The following EML5 variants were observed in gnomAD, a reference collection of about 807,000 sequenced individuals.
EML5 encodes the protein EMAP like 5.
Under a neutral mutation model 250.0 loss-of-function variants are expected in EML5, and 120 were observed. That is an observed-to-expected ratio of 0.48 (90% CI 0.41 to 0.56). The LOEUF is 0.56. Ranked by LOEUF, EML5 falls within the 20% of genes least tolerant of loss-of-function variation. The pLI is 0.00. For synonymous variants in EML5, 771 were observed against 806.5 expected (o/e 0.96, Z 0.75); for missense variants, 2,006 against 2,437.6 (o/e 0.82, Z 3.73).
intron 33 of EML5, among the ~76,000 whole-genome samples, chr14:88,630,706 C>T (rs2090393006): frequency 6.6e-6 from 1 of 152,180 alleles, no homozygotes; most frequent in South Asian, 2.1e-4. Flanking sequence ...GCTAAAATGA[C>T]TCAGTCAGGC....
At chr14:88,655,489 A>G (rs545145542) in intron 27 of EML5, among the ~76,000 whole-genome samples, 1 of 152,340 alleles carries the variant, frequency 6.6e-6, no homozygotes, top group East Asian at 1.9e-4. Context: ...AGGTGAATTA[A>G]AGACTTAAAC....
intron 10 of EML5, among the ~76,000 whole-genome samples, chr14:88,711,293 C>T (rs999360857): frequency 3.3e-5 from 5 of 149,984 alleles, no homozygotes; most frequent in African/African-American, 7.5e-5. Flanking sequence ...GGGAGGTGAT[C>T]GAATCATGGG....
chr14:88,710,140 C>A (rs1190285729), intron 10 of EML5, among the ~76,000 whole-genome samples: 1 of 151,854 alleles, frequency 6.6e-6, no homozygotes, highest in African/African-American at 2.4e-5. Context: ...GTCCTGGATT[C>A]TTTCAGAGAG....
intron 8 of EML5, among the ~76,000 whole-genome samples, chr14:88,724,875 C>G (rs796110434): frequency 3.9e-4 from 60 of 152,236 alleles, no homozygotes; most frequent in African/African-American, 1.3e-3. Flanking sequence ...ATGATAGTTA[C>G]AGAGATTCCA....
chr14:88,699,455 CCTTTTT>C (rs2093158016), intron 14 of EML5, among the ~76,000 whole-genome samples: 1 of 151,950 alleles, frequency 6.6e-6, no homozygotes, highest in Non-Finnish European at 1.5e-5. Context: ...TCCAACCTCC[CCTTTTT>C]ATCTCTTATC....
At chr14:88,655,072 A>G (rs1415730297) in intron 27 of EML5, among the ~76,000 whole-genome samples, 1 of 151,834 alleles carries the variant, frequency 6.6e-6, no homozygotes, top group African/African-American at 2.4e-5. Flanking sequence ...TTTAAAGTAG[A>G]TTCAATGCTA....
intron 7 of EML5, among the ~76,000 whole-genome samples, chr14:88,729,871 T>G (rs889496857): frequency 1.4e-5 from 2 of 146,228 alleles, no homozygotes; most frequent in Admixed American, 6.8e-5. Flanking sequence ...TTGTTTTTTG[T>G]TTTTTTTTTT....
At chr14:88,765,964 C>T (rs572206988) in intron 1 of EML5, among the ~76,000 whole-genome samples, 33 of 152,248 alleles carry the variant, frequency 2.2e-4, no homozygotes, top group Admixed American at 4.6e-4. Flanking sequence ...TTATTAGCTC[C>T]CCAAATTAAT....
chr14:88,735,816 C>A (rs1330602581), intron 7 of EML5, among the ~76,000 whole-genome samples: 1 of 152,012 alleles, frequency 6.6e-6, no homozygotes, highest in Admixed American at 6.6e-5. Flanking sequence ...TATATCCATG[C>A]AGTGAAATAT....
At chr14:88,705,859 A>G (rs557771953) in intron 11 of EML5, 9 of 594,874 alleles carry the variant, frequency 1.5e-5, no homozygotes, top group Non-Finnish European at 2.5e-5. Context: ...CTGTGCAAAT[A>G]TAAGTGAATA....
chr14:88,618,205 C>G, intron 41 of EML5, 23 bp downstream of exon 41: 2 of 1,603,148 alleles, frequency 1.2e-6, no homozygotes, highest in South Asian at 2.2e-5. Flanking sequence ...CAGTTCTTGC[C>G]TTGTGAATAT....
In EML5 at chr14:88,740,459, A is replaced by G. The variant is rs2093908624; in HGVS notation, c.639T>C (p.Ser213=). Residue 213 remains serine, a synonymous_variant, in exon 5 of 44, where the codon TCT becomes TCC. Transcript: ENST00000554922. ...LACARDELTY[S]GALNGDIYVW... is the part of the protein sequence containing the mutation. Reference sequence around the variant, plus strand: ...CATATATATCCCCATTGAGTGCACCAGAATATGTTAATTCATCCCTTGCAC... The same window carrying G: ...CATATATATCCCCATTGAGTGCACCGGAATATGTTAATTCATCCCTTGCAC... The G allele has an allele frequency of 1.2e-6, 2 of 1,613,796 alleles. No homozygotes were observed. Among genetic ancestry groups the G allele is most frequent in the Non-Finnish European group, 1.7e-6 (2 of 1,179,836 alleles).
rs180699513 is a variant in EML5, at chr14:88,665,557, T to C, written c.3125-68A>G. ...AATTTAAAGTATGGGCCAGGTGTGG[T>C]GGCTCATGCCTATAATCCAAGCACT... On this transcript the variant is annotated intron_variant, in intron 21 of 43. Transcript: ENST00000554922. 2.0e-5 allele frequency: 32 copies of C among 1,595,728 alleles called. No individual in the cohort carries two copies. The East Asian group carries it at 7.2e-4, about 36-fold the overall frequency.
chr14:88,616,549 A>G (rs1207193728), intron 42 of EML5, 177 bp downstream of exon 42: 11 of 647,756 alleles, frequency 1.7e-5, no homozygotes, highest in Non-Finnish European at 2.8e-5. Context: ...AGATGGTATT[A>G]CTCGAGGGAG....
At chr14:88,658,549 C>G (rs187385811) in intron 25 of EML5, among the ~76,000 whole-genome samples, 161 bp from the exon 26 acceptor site, 3 of 152,072 alleles carry the variant, frequency 2.0e-5, no homozygotes, top group African/African-American at 4.8e-5. Context: ...ATAAAAGATA[C>G]CAATTCCTAA....
intron 14 of EML5, among the ~76,000 whole-genome samples, chr14:88,701,114 A>G (rs1595575147): frequency 6.6e-6 from 1 of 152,146 alleles, no homozygotes; most frequent in African/African-American, 2.4e-5. Flanking sequence ...TCTTCATTAC[A>G]TTGCTACCAG....
At chr14:88,750,225 T>C (rs1353523684) in intron 2 of EML5, among the ~76,000 whole-genome samples, 1 of 152,148 alleles carries the variant, frequency 6.6e-6, no homozygotes, top group Non-Finnish European at 1.5e-5. Flanking sequence ...AGGGTGACTT[T>C]GGACAATTAT....
rs1305340294 is a variant in EML5, at chr14:88,688,383, A to G, written c.2630T>C (p.Met877Thr). ...TCCTGTGGATGTTCCAGAAAAAGCC[A>G]TCTCTTCAGTCCATCCATACACTGC... ...MCAVYGWTEE[M>T]AFSGTSTGDV... The change falls in exon 18 of 44, where the codon ATG becomes ACG. Residue 877 changes from methionine (M) to threonine (T), a missense_variant. By Grantham distance (81) the Met-to-Thr change is moderately conservative. Coordinates refer to ENST00000554922, the MANE Select transcript of EML5 (RefSeq NM_183387.3). The G allele has an allele frequency of 6.2e-7, 1 of 1,613,996 alleles. No individual in the cohort carries two copies. The highest frequency in any genetic ancestry group is 8.5e-7 in the Non-Finnish European group (1 of 1,179,894).
At position 88,772,835 on chromosome 14, in the gene EML5, C is replaced by T. The variant is rs368705792; in HGVS notation, c.198-18164G>A. Among the ~76,000 whole-genome samples the T allele has an allele frequency of 8.4e-4, 128 of 152,274 alleles. 8 individuals are homozygous for T. In the South Asian group the frequency reaches 0.021, roughly 25 times the overall value. On this transcript the variant is annotated intron_variant, in intron 1 of 43. Coordinates refer to ENST00000554922, the MANE Select transcript of EML5 (RefSeq NM_183387.3). ...CCTTTTGTTCACTACACTCCAGCTA[C>T]ACTGGCCTTTCTATCCCTTAAAATG... is the stretch of plus-strand genomic sequence containing the variant.
Sources: allele counts gnomAD v4.1 joint callset (sites outside exome capture counted in the v4.1 genomes callset), GRCh38; gene constraint gnomAD v4.1.1; transcripts MANE v1.5; gene names NCBI Gene and HGNC (gene_info 2026-07-23, HGNC 2026-07-21).